Variants in PRKN observed in about 807,000 individuals in gnomAD.
PRKN encodes E3 ubiquitin-protein ligase parkin.
In PRKN, 56 loss-of-function variants were observed where a neutral mutation model predicts 59.5. That is an observed-to-expected ratio of 0.94 (90% confidence interval 0.76 to 1.18). The LOEUF (loss-of-function observed/expected upper bound fraction) is 1.18. Ranked by LOEUF, PRKN falls within the 50% of genes most tolerant of loss-of-function variation. The pLI is 0.00. For synonymous variants in PRKN, 250 were observed against 222.1 expected (o/e 1.13, Z -1.12); for missense variants, 657 against 596.4 (o/e 1.10, Z -1.06).
chr6:161,918,125 C>A (rs1265780917), intron 6 of PRKN, among the ~76,000 whole-genome samples: 7 of 152,186 alleles, frequency 4.6e-5, no homozygotes, highest in African/African-American at 1.7e-4. Context: ...AGATACCAGT[C>A]CCCTGCTGTG....
intron 7 of PRKN, among the ~76,000 whole-genome samples, chr6:161,771,299 T>C (rs1789666243): frequency 3.4e-5 from 5 of 147,224 alleles, no homozygotes. Context: ...GAGCTTGCAG[T>C]GAGCCGAGAT....
At position 162,714,840 on chromosome 6, in the gene PRKN, C is replaced by T. The variant is rs116103214; in HGVS notation, c.7+12822G>A. 6.1e-3 allele frequency among the ~76,000 whole-genome samples: 927 copies of T among 152,278 alleles called. 7 individuals are homozygous for T. The highest frequency in any genetic ancestry group is 0.021 in the African/African-American group (886 of 41,556). ...CTACGTAATTTACACCCTAAACCTG[C>T]TGCATAGAGTAACCACTTTTAAAAA... On this transcript the variant is annotated intron_variant, in intron 1 of 11. Transcript: ENST00000366898.
chr6:161,912,071 G>A (rs979664406), intron 6 of PRKN, among the ~76,000 whole-genome samples: 1 of 151,808 alleles, frequency 6.6e-6, no homozygotes, highest in African/African-American at 2.4e-5. Context: ...CCAACTACTT[G>A]GGAGGCTGAG....
intron 2 of PRKN, among the ~76,000 whole-genome samples, chr6:162,435,765 G>C (rs1034028939): frequency 1.3e-5 from 2 of 152,164 alleles, no homozygotes; most frequent in Non-Finnish European, 2.9e-5. Context: ...GTCCTGTAGT[G>C]AATGAGCATC....
intron 5 of PRKN, among the ~76,000 whole-genome samples, chr6:162,013,593 C>T (rs560862558): frequency 1.4e-4 from 22 of 152,250 alleles, no homozygotes; most frequent in African/African-American, 4.8e-4. Flanking sequence ...ACCCCAAGTG[C>T]ATAGTGATAA....
At chr6:162,689,688 T>A (rs908988557) in intron 1 of PRKN, among the ~76,000 whole-genome samples, 1 of 152,212 alleles carries the variant, frequency 6.6e-6, no homozygotes, top group African/African-American at 2.4e-5. Context: ...AACACCATCC[T>A]TTATGGTCCT....
chr6:162,024,531 C>T (rs892147485), intron 5 of PRKN, among the ~76,000 whole-genome samples: 3 of 152,162 alleles, frequency 2.0e-5, no homozygotes, highest in African/African-American at 7.2e-5. Context: ...ACATTTACCA[C>T]TTTTTTGTTA....
At chr6:161,408,524 T>G (rs1435442920) in intron 9 of PRKN, among the ~76,000 whole-genome samples, 1 of 151,144 alleles carries the variant, frequency 6.6e-6, no homozygotes, top group South Asian at 2.1e-4. Context: ...CATTGTCTAA[T>G]GAGTATGTAT....
intron 2 of PRKN, among the ~76,000 whole-genome samples, chr6:162,286,436 A>G (rs1358879937): frequency 6.6e-6 from 1 of 152,150 alleles, no homozygotes; most frequent in Admixed American, 6.5e-5. Context: ...AACTCCCTAC[A>G]ACTTCACCAA....
chr6:161,907,848 C>A (rs184919255), intron 6 of PRKN, among the ~76,000 whole-genome samples: 1 of 152,074 alleles, frequency 6.6e-6, no homozygotes, highest in Non-Finnish European at 1.5e-5. Flanking sequence ...GAGGCCAAGG[C>A]GGGTGGATCA....
chr6:162,699,746 G>A (rs13196879), intron 1 of PRKN, among the ~76,000 whole-genome samples: 2 of 152,012 alleles, frequency 1.3e-5, no homozygotes, highest in African/African-American at 2.4e-5. Context: ...AGGAGCCCTA[G>A]GGTCTCTGTG....
intron 1 of PRKN, among the ~76,000 whole-genome samples, chr6:162,700,753 A>G (rs1269873690): frequency 6.6e-6 from 1 of 152,078 alleles, no homozygotes. Flanking sequence ...TCATATGCTT[A>G]TATCTATCGC....
chr6:162,523,106 G>A (rs538251976), intron 1 of PRKN, among the ~76,000 whole-genome samples: 1 of 152,230 alleles, frequency 6.6e-6, no homozygotes, highest in East Asian at 1.9e-4. Context: ...CATTTCTGCT[G>A]TTACCTAAGT....
intron 1 of PRKN, among the ~76,000 whole-genome samples, chr6:162,602,022 C>T (rs9364664): frequency 0.21 from 31,547 of 152,142 alleles, 3,627 homozygotes; most frequent in East Asian, 0.5. Flanking sequence ...CTATTCACTC[C>T]GTAGTTGAAG....
intron 1 of PRKN, among the ~76,000 whole-genome samples, chr6:162,627,184 C>T (rs1384032058): frequency 6.6e-6 from 1 of 152,094 alleles, no homozygotes; most frequent in Non-Finnish European, 1.5e-5. Context: ...GGGCTTGATA[C>T]TTGGGCTCTG....
intron 1 of PRKN, among the ~76,000 whole-genome samples, chr6:162,618,444 A>C (rs1038129063): frequency 1.3e-5 from 2 of 152,180 alleles, no homozygotes; most frequent in African/African-American, 4.8e-5. Flanking sequence ...TAATAAATCA[A>C]ATATTTTATA....
intron 7 of PRKN, among the ~76,000 whole-genome samples, chr6:161,781,631 C>G (rs79471471): frequency 2.6e-5 from 4 of 152,096 alleles, no homozygotes; most frequent in African/African-American, 4.8e-5. Flanking sequence ...AGTTAATTTA[C>G]GCACATTCTT....
intron 2 of PRKN, among the ~76,000 whole-genome samples, chr6:162,267,665 G>C (rs1381363942): frequency 6.6e-6 from 1 of 152,126 alleles, no homozygotes; most frequent in East Asian, 1.9e-4. Context: ...AACCAAGTAG[G>C]TATTTCTGTA....
chr6:161,779,356 C>T (rs1302166735), intron 7 of PRKN, among the ~76,000 whole-genome samples: 1 of 151,428 alleles, frequency 6.6e-6, no homozygotes, highest in Non-Finnish European at 1.5e-5. Context: ...TGATAATCTA[C>T]CATTTTGATT....
Sources: allele counts gnomAD v4.1 joint callset (sites outside exome capture counted in the v4.1 genomes callset), GRCh38; gene constraint gnomAD v4.1.1; transcripts MANE v1.5; gene names NCBI Gene and HGNC (gene_info 2026-07-23, HGNC 2026-07-21).